MAST4: variants seen among roughly 807,000 people sequenced by gnomAD.
The protein encoded by MAST4 is microtubule associated serine/threonine kinase family member 4, also known as microtubule-associated serine/threonine-protein kinase 4.
MAST4 carries 89 observed loss-of-function variants against 162.7 expected under a neutral mutation model. The ratio of observed to expected loss-of-function variants is 0.55; its 90% CI spans 0.46 to 0.65. The LOEUF (loss-of-function observed/expected upper bound fraction) is 0.65. MAST4 is among the 30% of genes least tolerant of loss of function. The pLI is 0.00. For missense variants in MAST4, 3,153 were observed against 3,374.0 expected, an observed-to-expected ratio of 0.93 and a Z score of 1.62; for synonymous variants, 1,479 against 1,361.1, an observed-to-expected ratio of 1.09 and a Z score of -1.91.
intron 4 of MAST4, among the ~76,000 whole-genome samples, chr5:66,905,302 CAA>C (rs60337775): frequency 6.5e-4 from 51 of 78,442 alleles, no homozygotes; most frequent in African/African-American, 2.8e-3. Flanking sequence ...AACTCTGTCT[CAA>C]AAAAAAAAAA....
chr5:66,622,004 A>G (rs1362013952), intron 1 of MAST4, among the ~76,000 whole-genome samples: 1 of 152,118 alleles, frequency 6.6e-6, no homozygotes, highest in East Asian at 1.9e-4. Flanking sequence ...CAACACTGCT[A>G]TTTACAGAAT....
At chr5:67,029,303 GA>G (rs1031879705) in intron 4 of MAST4, among the ~76,000 whole-genome samples, 5 of 152,230 alleles carry the variant, frequency 3.3e-5, no homozygotes, top group Admixed American at 1.3e-4. Flanking sequence ...TGGGGATGGG[GA>G]GACAATTTGT....
intron 1 of MAST4, among the ~76,000 whole-genome samples, chr5:66,683,436 G>A (rs1748451591): frequency 6.6e-6 from 1 of 152,166 alleles, no homozygotes; most frequent in Non-Finnish European, 1.5e-5. Context: ...TCTAGCACCT[G>A]ACCTGATGTA....
intron 4 of MAST4, among the ~76,000 whole-genome samples, chr5:67,044,446 CT>C: frequency 6.6e-6 from 1 of 152,260 alleles, no homozygotes; most frequent in East Asian, 1.9e-4. Context: ...ACATTAATTA[CT>C]TTTTTACTTC....
chr5:67,112,516 A>G (rs536338119), intron 11 of MAST4, among the ~76,000 whole-genome samples: 1 of 152,196 alleles, frequency 6.6e-6, no homozygotes, highest in Non-Finnish European at 1.5e-5. Flanking sequence ...GTCTGGCTGT[A>G]AACCAAGGTT....
chr5:67,064,633 C>G (rs74514219), intron 5 of MAST4, among the ~76,000 whole-genome samples: 1 of 152,154 alleles, frequency 6.6e-6, no homozygotes, highest in African/African-American at 2.4e-5. Context: ...CATTGCTAAG[C>G]TGAATGGAGG....
chr5:67,095,186 A>G (rs1366648098), intron 6 of MAST4, among the ~76,000 whole-genome samples: 1 of 152,180 alleles, frequency 6.6e-6, no homozygotes, highest in Non-Finnish European at 1.5e-5. Context: ...GAAAGTCCCC[A>G]CAGGCCCTTG....
intron 4 of MAST4, among the ~76,000 whole-genome samples, chr5:66,937,642 T>C (rs1377277442): frequency 1.3e-5 from 2 of 152,198 alleles, no homozygotes; most frequent in Non-Finnish European, 2.9e-5. Context: ...GGTTTTTATG[T>C]AGTACGTTCA....
chr5:66,834,717 C>G (rs1056212132), intron 3 of MAST4, among the ~76,000 whole-genome samples: 2 of 152,190 alleles, frequency 1.3e-5, no homozygotes, highest in African/African-American at 4.8e-5. Flanking sequence ...CCATGGCCCC[C>G]AGCCATTGCC....
intron 4 of MAST4, among the ~76,000 whole-genome samples, chr5:67,042,292 A>G (rs908068779): frequency 1.3e-5 from 2 of 152,206 alleles, no homozygotes; most frequent in African/African-American, 2.4e-5. Context: ...TACCCCACAA[A>G]TAACAACAGC....
intron 1 of MAST4, among the ~76,000 whole-genome samples, chr5:66,681,618 C>T (rs1748332176): frequency 6.6e-6 from 1 of 152,246 alleles, no homozygotes; most frequent in African/African-American, 2.4e-5. Flanking sequence ...CTGCAGGCTT[C>T]TTCCTGAATG....
At chr5:66,891,335 C>T (rs1471941690) in intron 3 of MAST4, among the ~76,000 whole-genome samples, 2 of 151,968 alleles carry the variant, frequency 1.3e-5, no homozygotes, top group South Asian at 2.1e-4. Context: ...CTCTGCCCCT[C>T]CTCCTCCTCC....
chr5:67,157,122 C>G (rs1186541767), intron 26 of MAST4, among the ~76,000 whole-genome samples: 1 of 152,196 alleles, frequency 6.6e-6, no homozygotes, highest in Non-Finnish European at 1.5e-5. Flanking sequence ...TAGTAAGCCA[C>G]CTTGAGCAGT....
At chr5:66,816,638 G>A (rs543611345) in intron 3 of MAST4, among the ~76,000 whole-genome samples, 1 of 152,222 alleles carries the variant, frequency 6.6e-6, no homozygotes, top group African/African-American at 2.4e-5. Flanking sequence ...GCCTTTAGGA[G>A]CCAGGCCCAC....
At chr5:66,804,618 C>T (rs1231912016) in intron 3 of MAST4, among the ~76,000 whole-genome samples, 6 of 152,164 alleles carry the variant, frequency 3.9e-5, no homozygotes, top group Admixed American at 3.9e-4. Context: ...AATGGGGAAG[C>T]CTATCCTTCC....
At chr5:66,970,774 A>T (rs1038582767) in intron 4 of MAST4, among the ~76,000 whole-genome samples, 1 of 152,218 alleles carries the variant, frequency 6.6e-6, no homozygotes, top group Non-Finnish European at 1.5e-5. Context: ...CACGTATGTT[A>T]ACTCACACAG....
chr5:67,012,485 G>A (rs1581196279), intron 4 of MAST4, among the ~76,000 whole-genome samples: 1 of 152,196 alleles, frequency 6.6e-6, no homozygotes, highest in South Asian at 2.1e-4. Flanking sequence ...CTAGTCATTT[G>A]GGAGTGACAT....
intron 4 of MAST4, among the ~76,000 whole-genome samples, chr5:66,952,379 T>C (rs1283008166): frequency 6.6e-6 from 1 of 152,082 alleles, no homozygotes; most frequent in Non-Finnish European, 1.5e-5. Context: ...TTTCCTGCTC[T>C]TTGAAGTGGT....
intron 4 of MAST4, among the ~76,000 whole-genome samples, chr5:66,920,400 G>A (rs780781686): frequency 6.6e-6 from 1 of 152,188 alleles, no homozygotes; most frequent in Non-Finnish European, 1.5e-5. Context: ...AGGTAAAATT[G>A]TTTTAAAATA....
Sources: gnomAD v4.1 joint callset for allele counts (sites outside exome capture counted in the v4.1 genomes callset) on GRCh38, gnomAD v4.1.1 for gene constraint, MANE v1.5 for transcripts, NCBI Gene and HGNC (gene_info 2026-07-23, HGNC 2026-07-21) for gene names.